APP: variants seen among roughly 807,000 people sequenced by gnomAD.
APP encodes the protein amyloid-beta precursor protein.
Under a neutral mutation model 101.4 loss-of-function variants are expected in APP, and 31 were observed. The observed-to-expected ratio is 0.31, with a 90% confidence interval of 0.23 to 0.41. The LOEUF is 0.41. Among genes scored for constraint, APP ranks in the 10% least tolerant of loss-of-function variants. The probability of loss-of-function intolerance (pLI) is 1.00; values close to 1 mark genes in which losing one functional copy is unlikely to be tolerated. For synonymous variants in APP, 366 were observed against 364.4 expected, an observed-to-expected ratio of 1.00 and a Z score of -0.05; for missense variants, 839 against 1,003.7, an observed-to-expected ratio of 0.84 and a Z score of 2.22.
intron 11 of APP, among the ~76,000 whole-genome samples, chr21:25,968,323 T>TC (rs2041876382): frequency 9.1e-6 from 1 of 109,584 alleles, no homozygotes; most frequent in East Asian, 2.8e-4. Context: ...TAAAAAAATC[T>TC]TTTTTTTTTT....
At chr21:25,959,004 AGTGT>A (rs2041456577) in intron 11 of APP, among the ~76,000 whole-genome samples, 2 of 148 alleles carry the variant, frequency 0.014, no homozygotes, top group African/African-American at 0.045. Flanking sequence ...ACAGCTAGTT[AGTGT>A]TAGATTTGAA....
At chr21:26,038,853 G>A (rs1001177337) in intron 5 of APP, among the ~76,000 whole-genome samples, 1 of 152,070 alleles carries the variant, frequency 6.6e-6, no homozygotes, top group African/African-American at 2.4e-5. Context: ...AAACTTTACC[G>A]GCTTGATATG....
rs1261139653 is a variant in APP at position 26,039,166 on chromosome 21, T to C, written c.662+11834A>G. ...TGCAATACTGCCCTTTCCTTCATGA[T>C]GTCATTCATCTCTTTCCCAGTTTGT... is the stretch of plus-strand genomic sequence containing the variant. On this transcript the variant is annotated intron_variant, in intron 5 of 17. Coordinates refer to ENST00000346798, the MANE Select transcript of APP (RefSeq NM_000484.4). Among the ~76,000 whole-genome samples, 3 of 152,344 alleles carry C rather than the reference T, an allele frequency of 2.0e-5. No homozygotes were observed. In the East Asian group the frequency reaches 5.8e-4, roughly 29 times the overall value.
chr21:25,913,417 C>T (rs2039180269), intron 13 of APP, among the ~76,000 whole-genome samples: 1 of 152,196 alleles, frequency 6.6e-6, no homozygotes, highest in South Asian at 2.1e-4. Context: ...ATAAAAGACC[C>T]TCATTAGATT....
At chr21:25,883,718 A>C (rs2037142735) in intron 17 of APP, among the ~76,000 whole-genome samples, 1 of 152,128 alleles carries the variant, frequency 6.6e-6, no homozygotes, top group Admixed American at 6.5e-5. Context: ...ATAAAAATAA[A>C]TCTGTCAGTA....
intron 1 of APP, among the ~76,000 whole-genome samples, chr21:26,166,328 GT>G (rs34491747): frequency 0.053 from 8,137 of 152,200 alleles, 363 homozygotes; most frequent in East Asian, 0.2. Context: ...AGATGAGGGT[GT>G]TATCTGTACA....
chr21:26,126,069 T>C (rs1424409882), intron 1 of APP, among the ~76,000 whole-genome samples: 1 of 152,202 alleles, frequency 6.6e-6, no homozygotes, highest in Non-Finnish European at 1.5e-5. Flanking sequence ...TTGCACTGTG[T>C]GGGAAAGATT....
chr21:25,972,250 A>G lies in APP; in HGVS notation c.1458+2820T>C, dbSNP rs2042059467. On this transcript the variant is annotated intron_variant, in intron 11 of 17. Coordinates refer to ENST00000346798, the MANE Select transcript of APP (RefSeq NM_000484.4). ...ATAAGATGAAAAACGGCCAGATGGAATTAAGGGCAGACTGAATGATACCAT... is the reference window on the plus strand; with the variant it reads ...ATAAGATGAAAAACGGCCAGATGGAGTTAAGGGCAGACTGAATGATACCAT... Among the ~76,000 whole-genome samples, 2 of 152,222 alleles carry G rather than the reference A, an allele frequency of 1.3e-5. 1 individual carries two copies. Among genetic ancestry groups the G allele is most frequent in the South Asian group, 4.1e-4 (2 of 4,834 alleles).
chr21:25,981,597 T>C (rs1303526614), intron 9 of APP, among the ~76,000 whole-genome samples: 2 of 152,128 alleles, frequency 1.3e-5, no homozygotes, highest in Admixed American at 6.6e-5. Flanking sequence ...GTAGCAGACA[T>C]AGCTTCAATT....
intron 13 of APP, among the ~76,000 whole-genome samples, chr21:25,917,118 G>A (rs1316913485): frequency 6.6e-6 from 1 of 152,074 alleles, no homozygotes; most frequent in Non-Finnish European, 1.5e-5. Context: ...AAAATTAGCC[G>A]TGCATGGTGG....
intron 5 of APP, among the ~76,000 whole-genome samples, chr21:26,048,851 A>G (rs1010559482): frequency 1.2e-4 from 18 of 152,216 alleles, no homozygotes; most frequent in Non-Finnish European, 2.1e-4. Context: ...AGAGTTGACA[A>G]ATATCTTTAT....
intron 5 of APP, among the ~76,000 whole-genome samples, chr21:26,034,135 T>G (rs2044977375): frequency 6.6e-6 from 1 of 152,198 alleles, no homozygotes; most frequent in Non-Finnish European, 1.5e-5. Context: ...ATAGACCAGA[T>G]GCCCACTCAC....
chr21:26,156,162 T>C (rs183492948), intron 1 of APP, among the ~76,000 whole-genome samples: 1 of 152,366 alleles, frequency 6.6e-6, no homozygotes, highest in African/African-American at 2.4e-5. Flanking sequence ...TAATAATTTA[T>C]CTTACTTCAT....
intron 3 of APP, among the ~76,000 whole-genome samples, chr21:26,088,782 TAAGGAGGAAA>T (rs2061757136): frequency 6.6e-6 from 1 of 152,186 alleles, no homozygotes; most frequent in South Asian, 2.1e-4. Flanking sequence ...GAACAAGGAA[TAAGGAGGAAA>T]AAGGAAACTC....
At chr21:25,973,916 G>C (rs2042128097) in intron 11 of APP, among the ~76,000 whole-genome samples, 1 of 144,014 alleles carries the variant, frequency 6.9e-6, no homozygotes, top group South Asian at 2.2e-4. Flanking sequence ...CTCCAGCCTG[G>C]GTGACAGAGT....
chr21:26,165,504 A>G (rs2063587898), intron 1 of APP, among the ~76,000 whole-genome samples: 1 of 152,230 alleles, frequency 6.6e-6, no homozygotes, highest in Admixed American at 6.5e-5. Context: ...AACTCTCCTG[A>G]TTAGTGTGCA....
chr21:25,925,597 G>C (rs2039856458), intron 13 of APP, among the ~76,000 whole-genome samples: 1 of 152,128 alleles, frequency 6.6e-6, no homozygotes, highest in Admixed American at 6.6e-5. Context: ...GCTGTACCAA[G>C]ACACCACCAC....
In APP at chr21:26,003,145, A is replaced by C. The variant is rs147023323; in HGVS notation, c.866-2963T>G. On this transcript the variant is annotated intron_variant, in intron 6 of 17. Coordinates refer to ENST00000346798, the MANE Select transcript of APP (RefSeq NM_000484.4). ...TCTTCTGCCTCATTCTATAACAGCT[A>C]TGAAACCATTTGTTATAGCTAATTC... is the stretch of plus-strand genomic sequence containing the variant. Among the ~76,000 whole-genome samples the C allele has an allele frequency of 1.6e-3, 247 of 152,372 alleles. 1 individual carries two copies. The highest frequency in any genetic ancestry group is 5.7e-3 in the African/African-American group (237 of 41,594).
At chr21:26,128,956 G>A (rs1477129019) in intron 1 of APP, among the ~76,000 whole-genome samples, 2 of 152,178 alleles carry the variant, frequency 1.3e-5, no homozygotes, top group Non-Finnish European at 2.9e-5. Flanking sequence ...AAAAGCAGGA[G>A]TGTTACCAAG....
Sources: gnomAD v4.1 joint callset for allele counts (sites outside exome capture counted in the v4.1 genomes callset) on GRCh38, gnomAD v4.1.1 for gene constraint, MANE v1.5 for transcripts, NCBI Gene and HGNC (gene_info 2026-07-23, HGNC 2026-07-21) for gene names.